Variants in LAMA1 observed in about 807,000 individuals in gnomAD.
LAMA1 encodes laminin subunit alpha 1.
A neutral mutation model predicts 348.7 loss-of-function variants in LAMA1; 219 were observed. The ratio of observed to expected loss-of-function variants is 0.63; its 90% CI spans 0.56 to 0.70. The LOEUF (loss-of-function observed/expected upper bound fraction) is 0.70. Ranked by LOEUF, LAMA1 falls within the 30% of genes least tolerant of loss-of-function variation. The pLI is 0.00. For synonymous variants in LAMA1, 1,487 were observed against 1,491.0 expected (o/e 1.00, Z 0.06); for missense variants, 3,744 against 3,888.0 (o/e 0.96, Z 0.99).
At chr18:6,989,285 C>T (rs1435095862) in intron 36 of LAMA1, among the ~76,000 whole-genome samples, 8 of 152,078 alleles carry the variant, frequency 5.3e-5, no homozygotes, top group Admixed American at 3.3e-4. Flanking sequence ...TTTGTTCCAT[C>T]TGGCTGGACT....
At chr18:6,959,632 A>G in intron 53 of LAMA1, 140 bp from the exon 54 acceptor site, 4 of 849,226 alleles carry the variant, frequency 4.7e-6, no homozygotes, top group Non-Finnish European at 7.7e-6. Context: ...CAGCTGTCAC[A>G]ATGTTACATT....
At chr18:6,948,694 C>T (rs1276671860) in intron 59 of LAMA1, 138 bp from the exon 60 acceptor site, 1 of 908,810 alleles carries the variant, frequency 1.1e-6, no homozygotes, top group Non-Finnish European at 1.7e-6. Context: ...ACTTTAATTG[C>T]CACAATACTT....
chr18:7,044,162 C>CAAA (rs60402984), intron 7 of LAMA1, among the ~76,000 whole-genome samples: 35 of 40,084 alleles, frequency 8.7e-4, no homozygotes, highest in Middle Eastern at 0.02. Context: ...GACTCCATCT[C>CAAA]AAAAAAAAAA....
At chr18:7,008,237 C>A in intron 28 of LAMA1, among the ~76,000 whole-genome samples, 1 of 152,064 alleles carries the variant, frequency 6.6e-6, no homozygotes, top group East Asian at 1.9e-4. Flanking sequence ...ATAAAAAGTT[C>A]TGAGGATGAT....
intron 1 of LAMA1, among the ~76,000 whole-genome samples, chr18:7,110,105 C>G (rs1198852681): frequency 6.6e-6 from 1 of 151,584 alleles, no homozygotes; most frequent in East Asian, 2.0e-4. Context: ...CGCTTGAACC[C>G]AGGAGGCAGA....
chr18:7,037,737 G>A lies in LAMA1; in HGVS notation c.1578C>T (p.Ser526=), dbSNP rs368647137. The change falls in exon 12 of 63, where the codon TCC becomes TCT. Residue 526 remains serine (S), a synonymous_variant. Coordinates refer to ENST00000389658, the MANE Select transcript of LAMA1 (RefSeq NM_005559.4). ...SWPVGQVNSM[S]GWLVTDLISP... ...TGATCAAGTCGGTGACCAGCCACCC[G>A]GACATACTGTTTACCTTAAAAACAA... 48 of 1,613,934 alleles carry A rather than the reference G, an allele frequency of 3.0e-5. No homozygotes were observed. The highest frequency in any genetic ancestry group is 4.5e-5 in the East Asian group (2 of 44,874).
chr18:6,985,504 G>A (rs763485259), intron 38 of LAMA1, 23 bp downstream of exon 38: 1 of 1,607,878 alleles, frequency 6.2e-7, no homozygotes, highest in African/African-American at 1.3e-5. Context: ...ACTGTACTGT[G>A]GCTGTGCTGA....
chr18:7,081,137 T>C (rs180948780), intron 1 of LAMA1, among the ~76,000 whole-genome samples: 49 of 152,006 alleles, frequency 3.2e-4, no homozygotes, highest in South Asian at 1.0e-3. Context: ...GCCTGGACAA[T>C]AGAGCGAGAC....
chr18:7,032,438 T>C (rs1046455871), intron 15 of LAMA1, among the ~76,000 whole-genome samples: 7 of 152,234 alleles, frequency 4.6e-5, no homozygotes, highest in Admixed American at 3.3e-4. Flanking sequence ...GGTTGTGCAA[T>C]GAGTCTTACG....
Position 7,080,400 on chromosome 18 carries a change from G to A in LAMA1, c.119C>T (p.Thr40Ile). The change falls in exon 2 of 63, where the codon ACC becomes ATC. Residue 40 changes from threonine (T) to isoleucine (I), a missense_variant. By Grantham distance (89) the Thr-to-Ile change is moderately conservative (BLOSUM62 -1). Transcript: ENST00000389658. ...CATCTCCGGCCCCTTCTCGCCACAG[G>A]TGGCATTGGTGCTGATGTGAGCATT... ...ASNAHISTNA[T>I]CGEKGPEMFC... is the part of the protein sequence containing the mutation. The A allele has an allele frequency of 6.2e-7, 1 of 1,614,262 alleles. No individual in the cohort carries two copies.
intron 54 of LAMA1, 103 bp from the exon 55 acceptor site, chr18:6,958,765 G>T: frequency 1.0e-6 from 1 of 992,746 alleles, no homozygotes; most frequent in Non-Finnish European, 1.5e-6. Flanking sequence ...AATAATAAAA[G>T]TTCCCTAAAG....
At chr18:7,012,367 A>C (rs1425069583) in intron 23 of LAMA1, among the ~76,000 whole-genome samples, 2 of 151,994 alleles carry the variant, frequency 1.3e-5, no homozygotes, top group East Asian at 3.9e-4. Context: ...AAGTGTTTGG[A>C]AAATACAGAG....
Position 7,047,624 on chromosome 18 carries a change from TGACCTCTCAA to T in LAMA1, c.769-1267_769-1258del, listed in dbSNP as rs535534841. ...AATTCATAAGGAAATACAAGAAACC[TGACCTCTCAA>T]GACCTACTGTAAAGCTACAGTAACC... On this transcript the variant is annotated intron_variant, in intron 5 of 62. Coordinates refer to ENST00000389658, the MANE Select transcript of LAMA1 (RefSeq NM_005559.4). Among the ~76,000 whole-genome samples the T allele has an allele frequency of 8.9e-4, 136 of 152,282 alleles. 1 individual carries two copies. In the Middle Eastern group the frequency reaches 0.017, roughly 19 times the overall value.
chr18:6,942,092 C>T lies in LAMA1; in HGVS notation c.9215G>A (p.Gly3072Glu), dbSNP rs747602128. The change falls in exon 63 of 63, where the codon GGG becomes GAG. Residue 3072 changes from glycine to glutamate, a missense_variant. Physicochemically the swap from Gly to Glu is moderately conservative, Grantham distance 98. This residue lies in a region of LAMA1 where 232 missense variants were observed against 264.4 expected (regional missense o/e 0.88). Transcript: ENST00000389658. ...TCTGCTTGAAGTTCAGGACTCGGTCCCAGGACAGGAATGAAGGAAAACTCC... is the reference window on the plus strand; with the variant it reads ...TCTGCTTGAAGTTCAGGACTCGGTCTCAGGACAGGAATGAAGGAAAACTCC... Reference protein sequence around the residue: ...LHGVFLHSCPGTES With the variant: ...LHGVFLHSCPETES The T allele has an allele frequency of 2.5e-6, 4 of 1,613,960 alleles. No individual in the cohort carries two copies. In the African/African-American group the frequency reaches 5.3e-5, roughly 22 times the overall value.
Position 7,080,282 on chromosome 18 carries a change from C to T in LAMA1, c.232+5G>A, listed in dbSNP as rs1320290140. ...GAATTTCAGAAATAAAGGCGCGACA[C>T]TTGCCTCTGGGGTTTGCGCTGTTGC... On this transcript the variant is annotated splice_donor_5th_base_variant and intron_variant, in intron 2 of 62. Coordinates refer to ENST00000389658, the MANE Select transcript of LAMA1 (RefSeq NM_005559.4). The T allele has an allele frequency of 1.2e-6, 2 of 1,614,156 alleles. No homozygotes were observed. Among genetic ancestry groups the T allele is most frequent in the Non-Finnish European group, 1.7e-6 (2 of 1,180,050 alleles).
At chr18:7,104,959 G>A (rs1221072350) in intron 1 of LAMA1, among the ~76,000 whole-genome samples, 2 of 152,124 alleles carry the variant, frequency 1.3e-5, no homozygotes, top group Non-Finnish European at 2.9e-5. Context: ...GTAGGCAGCT[G>A]GTCTGTAAGT....
In LAMA1 at chr18:7,039,957, G is replaced by A. The variant is rs141909998; in HGVS notation, c.1422+119C>T. The stretch of plus-strand genomic sequence containing the variant: ...GTGGCTTGGAGAGAAGGGGCAAGGG[G>A]AGTTCTGCTTAAACCTTACCACTTT... On this transcript the variant is annotated intron_variant, in intron 10 of 62. Transcript: ENST00000389658. 5.8e-4 allele frequency: 655 copies of A among 1,120,384 alleles called. 10 individuals carry two copies. The South Asian group carries it at 8.2e-3, about 14-fold the overall frequency. 69.4% of individuals were successfully genotyped at this position (1,120,384 alleles called of 1,614,324 possible).
At chr18:7,111,065 A>T (rs1687396825) in intron 1 of LAMA1, among the ~76,000 whole-genome samples, 1 of 152,208 alleles carries the variant, frequency 6.6e-6, no homozygotes, top group Non-Finnish European at 1.5e-5. Flanking sequence ...GGCACTTTCC[A>T]TAAATACTCA....
chr18:6,957,682 GT>G (rs1440832364), intron 55 of LAMA1, among the ~76,000 whole-genome samples: 2 of 152,182 alleles, frequency 1.3e-5, no homozygotes, highest in Non-Finnish European at 2.9e-5. Context: ...TCAGCACCCT[GT>G]CCAGAGGCAG....
Sources: allele counts gnomAD v4.1 joint callset (sites outside exome capture counted in the v4.1 genomes callset), GRCh38; gene constraint gnomAD v4.1.1; regional missense constraint gnomAD v4.1.1; transcripts MANE v1.5; gene names NCBI Gene and HGNC (gene_info 2026-07-23, HGNC 2026-07-21).